The following HIVEP1 variants were observed in gnomAD, a reference collection of about 807,000 sequenced individuals.
The protein encoded by HIVEP1 is zinc finger protein 40.
In HIVEP1, 36 loss-of-function variants were observed where a neutral mutation model predicts 180.0. The observed-to-expected ratio is 0.20, with a 90% CI of 0.15 to 0.26. The LOEUF (loss-of-function observed/expected upper bound fraction) is 0.26. HIVEP1 is among the 10% of genes least tolerant of loss of function. HIVEP1 has a pLI of 1.00. For synonymous variants in HIVEP1, 1,239 were observed against 1,239.0 expected, an observed-to-expected ratio of 1.00 and a Z score of 0.00; for missense variants, 3,143 against 3,268.7, an observed-to-expected ratio of 0.96 and a Z score of 0.94.
chr6:12,174,541 C>T, the HIVEP1 span, among the ~76,000 whole-genome samples: 1 of 152,114 alleles, frequency 6.6e-6, no homozygotes, highest in African/African-American at 2.4e-5. Flanking sequence ...ACAGGGACCC[C>T]AGGGACCAAT....
At chr6:12,198,242 C>G in the HIVEP1 span, among the ~76,000 whole-genome samples, 1 of 152,092 alleles carries the variant, frequency 6.6e-6, no homozygotes, top group Non-Finnish European at 1.5e-5. Flanking sequence ...AAACCAGGGT[C>G]TTGATGAAGT....
At chr6:12,211,376 G>A in the HIVEP1 span, among the ~76,000 whole-genome samples, 1 of 92,092 alleles carries the variant, frequency 1.1e-5, no homozygotes, top group Non-Finnish European at 2.1e-5. Context: ...CTCCAGCCTG[G>A]GTGACAGAGC....
At chr6:12,183,974 A>AACAT in the HIVEP1 span, among the ~76,000 whole-genome samples, 2 of 134,792 alleles carry the variant, frequency 1.5e-5, no homozygotes, top group Non-Finnish European at 3.1e-5. Context: ...TCACATTGTA[A>AACAT]AGATAGATAG....
At chr6:12,103,010 AAT>A in intron 3 of HIVEP1, among the ~76,000 whole-genome samples, 1 of 152,052 alleles carries the variant, frequency 6.6e-6, no homozygotes, top group East Asian at 1.9e-4. Context: ...CATCAAATAA[AAT>A]ATATGTTTAT....
At chr6:12,010,949 G>T (rs2113536222), upstream of HIVEP1, among the ~76,000 whole-genome samples, 1 of 151,926 alleles carries the variant, frequency 6.6e-6, no homozygotes, top group Admixed American at 6.5e-5. Flanking sequence ...TTCTGTCCCC[G>T]AAGTCCCCTC....
At chr6:12,074,643 T>TGTGTGCGC (rs573970756) in intron 2 of HIVEP1, among the ~76,000 whole-genome samples, 2 of 148,148 alleles carry the variant, frequency 1.3e-5, no homozygotes, top group African/African-American at 2.6e-5. Flanking sequence ...TGTGTGTGTG[T>TGTGTGCGC]GCGCGCGCGT....
At chr6:12,173,331 C>T in the HIVEP1 span, among the ~76,000 whole-genome samples, 1 of 152,046 alleles carries the variant, frequency 6.6e-6, no homozygotes, top group East Asian at 1.9e-4. Context: ...TTTTCCATTA[C>T]ATTTTATAAA....
intron 7 of HIVEP1, among the ~76,000 whole-genome samples, chr6:12,146,727 G>A (rs1759395066): frequency 6.6e-6 from 1 of 151,844 alleles, no homozygotes; most frequent in East Asian, 1.9e-4. Context: ...GATCTGTTCT[G>A]TTTTTTAATA....
intron 3 of HIVEP1, among the ~76,000 whole-genome samples, chr6:12,117,626 T>C (rs913606878): frequency 6.6e-6 from 1 of 152,226 alleles, no homozygotes; most frequent in African/African-American, 2.4e-5. Context: ...AACATAACTT[T>C]ATCTAAAAAT....
At chr6:12,167,745 T>G (rs1489879074), downstream of HIVEP1, among the ~76,000 whole-genome samples, 1 of 116,154 alleles carries the variant, frequency 8.6e-6, no homozygotes, top group Non-Finnish European at 1.8e-5. Context: ...TGTGTATATG[T>G]GCGTGTATAA....
At chr6:12,204,111 A>G in the HIVEP1 span, among the ~76,000 whole-genome samples, 1 of 151,962 alleles carries the variant, frequency 6.6e-6, no homozygotes, top group Non-Finnish European at 1.5e-5. Flanking sequence ...TGTGAAGTTC[A>G]GGGGTTCAGA....
chr6:12,108,818 A>C (rs1032660194), intron 3 of HIVEP1, among the ~76,000 whole-genome samples: 14 of 152,184 alleles, frequency 9.2e-5, no homozygotes, highest in South Asian at 2.1e-4. Context: ...GGCCTTGGCC[A>C]GCCCAGAAAG....
At chr6:12,008,352 G>C (rs1767111393), upstream of HIVEP1, 1 of 152,206 alleles carries the variant, frequency 6.6e-6, no homozygotes, top group South Asian at 2.1e-4. Flanking sequence ...CAAAGCCTCA[G>C]GAAACATACT....
Position 12,122,805 on chromosome 6 carries a change from G to A in HIVEP1, c.3010G>A (p.Gly1004Ser), listed in dbSNP as rs12525664. 1.3e-4 allele frequency: 217 copies of A among 1,613,532 alleles called. No individual in the cohort carries two copies. The highest frequency in any genetic ancestry group is 1.5e-4 in the African/African-American group (11 of 74,810). ...AGAACCTGAGCACAGCCCTGTGCCC[G>A]GCGGTCTGCAGCCTCAGATTCTACA... is the stretch of plus-strand genomic sequence containing the variant. Reference protein sequence around the residue: ...MREPEHSPVPGGLQPQILHYR... With the variant: ...MREPEHSPVPSGLQPQILHYR... Residue 1004 changes from glycine to serine, a missense_variant, in exon 4 of 9, where the codon GGC becomes AGC. By Grantham distance (56) the Gly-to-Ser change is moderately conservative. Coordinates refer to ENST00000379388, the MANE Select transcript of HIVEP1 (RefSeq NM_002114.4).
chr6:12,168,033 T>TACA (rs1491475196), downstream of HIVEP1, among the ~76,000 whole-genome samples: 7 of 43,720 alleles, frequency 1.6e-4, no homozygotes, highest in African/African-American at 7.7e-4. Context: ...TATGTATATA[T>TACA]TATATATACA....
At chr6:12,129,938 T>A (rs1186187946) in intron 5 of HIVEP1, 46 bp downstream of exon 5, 6 of 1,319,628 alleles carry the variant, frequency 4.5e-6, no homozygotes, top group Non-Finnish European at 6.4e-6. Flanking sequence ...AACTGACTTT[T>A]TAAATGTACA....
At chr6:12,016,837 A>G (rs1385522255) in intron 2 of HIVEP1, among the ~76,000 whole-genome samples, 2 of 152,018 alleles carry the variant, frequency 1.3e-5, no homozygotes, top group East Asian at 3.9e-4. Flanking sequence ...CTAGAGACTC[A>G]CTCTCATTTG....
At chr6:12,103,902 T>C (rs969704562) in intron 3 of HIVEP1, among the ~76,000 whole-genome samples, 5 of 152,158 alleles carry the variant, frequency 3.3e-5, no homozygotes, top group Admixed American at 2.0e-4. Context: ...CTTTCAAGTG[T>C]CATATATTAG....
At chr6:12,047,339 C>T (rs575334388) in intron 2 of HIVEP1, among the ~76,000 whole-genome samples, 1 of 152,314 alleles carries the variant, frequency 6.6e-6, no homozygotes, top group Non-Finnish European at 1.5e-5. Context: ...AAAGACCATG[C>T]AGTTTTAAAC....
Sources: gnomAD v4.1 joint callset for allele counts (sites outside exome capture counted in the v4.1 genomes callset) on GRCh38, gnomAD v4.1.1 for gene constraint, MANE v1.5 for transcripts, NCBI Gene and HGNC (gene_info 2026-07-23, HGNC 2026-07-21) for gene names.